Variants in GNAT3 observed in about 807,000 individuals in gnomAD.
The protein encoded by GNAT3 is G protein subunit alpha transducin 3.
Under a neutral mutation model 37.7 loss-of-function variants are expected in GNAT3, and 31 were observed. The ratio of observed to expected loss-of-function variants is 0.82; its 90% CI spans 0.62 to 1.11. The LOEUF is 1.11. Ranked by LOEUF, GNAT3 falls within the 50% of genes most tolerant of loss-of-function variation. GNAT3 has a pLI of 0.00. For synonymous variants in GNAT3, 138 were observed against 139.8 expected, an observed-to-expected ratio of 0.99 and a Z score of 0.09; for missense variants, 437 against 412.5, an observed-to-expected ratio of 1.06 and a Z score of -0.51.
At chr7:80,504,252 G>A (rs1790889809) in intron 1 of GNAT3, among the ~76,000 whole-genome samples, 1 of 152,072 alleles carries the variant, frequency 6.6e-6, no homozygotes, top group South Asian at 2.1e-4. Context: ...GGAAGTTGGG[G>A]CTGCAGTGAG....
At chr7:80,474,548 T>A (rs11971415) in intron 4 of GNAT3, among the ~76,000 whole-genome samples, 169 bp from the exon 5 acceptor site, 11,608 of 152,066 alleles carry the variant, frequency 0.076, 1,328 homozygotes, top group African/African-American at 0.25. Context: ...TTAGCGTAGG[T>A]TCTATGAAAA....
chr7:80,476,047 GTGT>G (rs1316999820), intron 4 of GNAT3, among the ~76,000 whole-genome samples: 1 of 151,980 alleles, frequency 6.6e-6, no homozygotes, highest in African/African-American at 2.4e-5. Flanking sequence ...TGTGGTAGGT[GTGT>G]TGTTGGTCAG....
intron 1 of GNAT3, among the ~76,000 whole-genome samples, chr7:80,495,837 C>T (rs1441539980): frequency 2.6e-5 from 4 of 152,026 alleles, no homozygotes; most frequent in African/African-American, 7.2e-5. Flanking sequence ...GATTGTTAGC[C>T]ATTTGTATGT....
chr7:80,480,508 G>T (rs1790375859), intron 3 of GNAT3, among the ~76,000 whole-genome samples: 1 of 152,044 alleles, frequency 6.6e-6, no homozygotes, highest in African/African-American at 2.4e-5. Context: ...TTCAGGACGA[G>T]TCCATAGGGC....
chr7:80,490,668 G>A (rs1306626695), intron 2 of GNAT3, among the ~76,000 whole-genome samples: 2 of 152,120 alleles, frequency 1.3e-5, no homozygotes, highest in African/African-American at 4.8e-5. Context: ...ACTATTGTAA[G>A]CACTTCATCT....
intron 1 of GNAT3, among the ~76,000 whole-genome samples, chr7:80,510,068 A>G (rs1011383426): frequency 6.6e-6 from 1 of 152,106 alleles, no homozygotes; most frequent in Admixed American, 6.6e-5. Flanking sequence ...AGATCTCTTG[A>G]AATTTATTCT....
At chr7:80,472,565 T>A (rs970156767) in intron 5 of GNAT3, among the ~76,000 whole-genome samples, 1 of 152,130 alleles carries the variant, frequency 6.6e-6, no homozygotes, top group African/African-American at 2.4e-5. Context: ...AAAGAACAGA[T>A]ACATAAACAA....
chr7:80,497,671 C>T lies in GNAT3; in HGVS notation c.119-3024G>A, dbSNP rs527484114. Among the ~76,000 whole-genome samples, 22 of 91,152 alleles carry T rather than the reference C, an allele frequency of 2.4e-4. 3 individuals carry two copies. The highest frequency in any genetic ancestry group is 2.2e-3 in the African/African-American group (21 of 9,364). 59.8% of individuals were successfully genotyped at this position (91,152 alleles called of 152,430 possible). A position where few individuals can be genotyped will look rare whatever the true frequency, so the allele number is the denominator to read the frequency against. ...ATACGTATATACATATACGTATATA[C>T]ATACATATATACACACACACTGTCT... On this transcript the variant is annotated intron_variant, in intron 1 of 7. Coordinates refer to ENST00000398291, the MANE Select transcript of GNAT3 (RefSeq NM_001102386.3).
rs1242148120 is a variant in GNAT3 at position 80,472,655 on chromosome 7, T to C, written c.590+1596A>G. Among the ~76,000 whole-genome samples, 4 of 152,224 alleles carry C rather than the reference T, an allele frequency of 2.6e-5. No homozygotes were observed. The East Asian group carries it at 7.7e-4, about 29-fold the overall frequency. ...AGGGAGTGACTTGGGTAGTGAGCTT[T>C]TAGGTATTCAACAGGTAACATCACT... On this transcript the variant is annotated intron_variant, in intron 5 of 7. Transcript: ENST00000398291.
intron 3 of GNAT3, 69 bp downstream of exon 3, chr7:80,488,466 T>C (rs1790530155): frequency 7.8e-7 from 1 of 1,282,724 alleles, no homozygotes; most frequent in Admixed American, 2.0e-5. Flanking sequence ...TATGAACTTA[T>C]TAAGTCCTCT....
chr7:80,493,857 C>CTCCTCCTCCTCTTTCCTCCTCCTCCTCTT (rs1222588289), intron 2 of GNAT3, among the ~76,000 whole-genome samples: 50 of 139,484 alleles, frequency 3.6e-4, no homozygotes, highest in African/African-American at 1.3e-3. Context: ...CTCCTCTTTC[C>CTCCTCCTCCTCTTTCCTCCTCCTCCTCTT]TCCTCCTCCT....
chr7:80,488,641 C>T lies in GNAT3; in HGVS notation c.197G>A (p.Cys66Tyr). 6.3e-7 allele frequency: 1 copy of T among 1,584,980 alleles called. No individual in the cohort carries two copies. Among genetic ancestry groups the T allele is most frequent in the Non-Finnish European group, 8.6e-7 (1 of 1,162,786 alleles). The change falls in exon 3 of 8, where the codon TGC (cysteine) becomes TAC (tyrosine). Residue 66 changes from cysteine (C) to tyrosine (Y), a missense_variant. Physicochemically the swap from Cys to Tyr is radical, Grantham distance 194. Coordinates refer to ENST00000398291, the MANE Select transcript of GNAT3 (RefSeq NM_001102386.3). ...GTAAATTACTGCTTTGAACTCCATG[C>T]ATTCTTGCTCACTGTAACCATTCTT... ...IHKNGYSEQE[C>Y]MEFKAVIYSN...
At chr7:80,475,107 C>T (rs564311124) in intron 4 of GNAT3, among the ~76,000 whole-genome samples, 186 of 152,080 alleles carry the variant, frequency 1.2e-3, no homozygotes, top group African/African-American at 4.2e-3. Flanking sequence ...GGTGAACGTA[C>T]CCACTGTCCC....
intron 4 of GNAT3, among the ~76,000 whole-genome samples, chr7:80,476,853 AG>A (rs1377998019): frequency 6.6e-6 from 1 of 151,774 alleles, no homozygotes; most frequent in East Asian, 1.9e-4. Context: ...GACACCTAAG[AG>A]CAGAAAAAAA....
In GNAT3 at chr7:80,479,031, A is replaced by G. The variant is rs1790348945; in HGVS notation, c.304-33T>C. On this transcript the variant is annotated intron_variant, in intron 3 of 7. Transcript: ENST00000398291. ...AATATTTTGGTGAGAATAAGTATGTATTATTTGGAATCACATATTCTATTT... is the reference window on the plus strand; with the variant it reads ...AATATTTTGGTGAGAATAAGTATGTGTTATTTGGAATCACATATTCTATTT... The G allele has an allele frequency of 4.9e-6, 7 of 1,432,300 alleles. No individual in the cohort carries two copies. The South Asian group carries it at 5.4e-5, about 11-fold the overall frequency. 88.7% of individuals were successfully genotyped at this position (1,432,300 alleles called of 1,614,324 possible).
chr7:80,461,721 CATT>C (rs1790053407), intron 7 of GNAT3, among the ~76,000 whole-genome samples: 1 of 152,104 alleles, frequency 6.6e-6, no homozygotes, highest in Non-Finnish European at 1.5e-5. Context: ...ATGAAGATGT[CATT>C]ATTCATTCTC....
At chr7:80,499,202 T>C (rs1472957146) in intron 1 of GNAT3, among the ~76,000 whole-genome samples, 2 of 152,194 alleles carry the variant, frequency 1.3e-5, no homozygotes, top group Admixed American at 1.3e-4. Flanking sequence ...ATAGAGATTA[T>C]GATAATCATC....
intron 4 of GNAT3, among the ~76,000 whole-genome samples, chr7:80,477,219 A>C (rs1423283720): frequency 6.6e-6 from 1 of 152,152 alleles, no homozygotes; most frequent in East Asian, 1.9e-4. Context: ...ACAAGACTAA[A>C]TATATTAATG....
chr7:80,462,101 G>A (rs1357809447), intron 7 of GNAT3, 58 bp downstream of exon 7: 1 of 1,086,152 alleles, frequency 9.2e-7, no homozygotes, highest in African/African-American at 1.6e-5. Context: ...GATCCAGATA[G>A]GAAATATATA....
Sources: allele counts gnomAD v4.1 joint callset (sites outside exome capture counted in the v4.1 genomes callset), GRCh38; gene constraint gnomAD v4.1.1; transcripts MANE v1.5; gene names NCBI Gene and HGNC (gene_info 2026-07-23, HGNC 2026-07-21).